Variants in PCDHGA11 observed in about 807,000 individuals in gnomAD.
PCDHGA11 encodes the protein protocadherin gamma subfamily A, 11, also known as protocadherin gamma-A11.
A neutral mutation model predicts 60.4 loss-of-function variants in PCDHGA11; 39 were observed. The observed-to-expected ratio is 0.65, with a 90% CI of 0.50 to 0.84. PCDHGA11 has a LOEUF of 0.84. Among genes scored for constraint, PCDHGA11 ranks in the 40% least tolerant of loss-of-function variants. PCDHGA11 has a pLI of 0.00. For synonymous variants in PCDHGA11, 533 were observed against 510.3 expected (o/e 1.04, Z -0.60); for missense variants, 1,165 against 1,197.7 (o/e 0.97, Z 0.40).
chr5:141,478,394 G>T (rs2099453142), intron 1 of PCDHGA11: 4 of 1,613,586 alleles, frequency 2.5e-6, no homozygotes, highest in Non-Finnish European at 3.4e-6. Flanking sequence ...TTACCATCAG[G>T]TGTATCTCAC....
chr5:141,428,426 C>T (rs1040765233), intron 1 of PCDHGA11: 1 of 435,172 alleles, frequency 2.3e-6, no homozygotes, highest in African/African-American at 2.0e-5. Context: ...GGTCTCTGTT[C>T]TAAGACTAGA....
intron 2 of PCDHGA11, 62 bp downstream of exon 2, chr5:141,494,927 G>C: frequency 6.2e-7 from 1 of 1,613,516 alleles, no homozygotes; most frequent in Non-Finnish European, 8.5e-7. Context: ...GATGACGTGG[G>C]AGGAGATGGG....
intron 2 of PCDHGA11, among the ~76,000 whole-genome samples, chr5:141,499,326 C>G (rs1465474737): frequency 6.6e-6 from 1 of 152,156 alleles, no homozygotes; most frequent in Non-Finnish European, 1.5e-5. Flanking sequence ...TATCCCTGCT[C>G]TCTCTCAGTT....
chr5:141,504,546 G>A (rs911626023), intron 2 of PCDHGA11, among the ~76,000 whole-genome samples: 5 of 151,802 alleles, frequency 3.3e-5, no homozygotes, highest in African/African-American at 1.2e-4. Flanking sequence ...CATGGCAAAT[G>A]TTGGGGGACT....
Position 141,486,429 on chromosome 5 carries a change from C to G in PCDHGA11, c.2434-8378C>G, listed in dbSNP as rs2099629385. On this transcript the variant is annotated intron_variant, in intron 1 of 3. Transcript: ENST00000398587. The surrounding 1 kb of genome is among the most constrained non-coding windows in gnomAD (Gnocchi z 5.0). ...GGACCCTTGGATCGAGAGGCCAAAT[C>G]TAGCTATGACATCATGGTCACTGCT... 1.1e-5 allele frequency: 17 copies of G among 1,614,192 alleles called. No homozygotes were observed. Among genetic ancestry groups the G allele is most frequent in the Non-Finnish European group, 1.4e-5 (17 of 1,180,008 alleles).
chr5:141,421,713 T>G lies in PCDHGA11; in HGVS notation c.486T>G (p.Asp162Glu). Residue 162 changes from aspartate to glutamate, a missense_variant, in exon 1 of 4, where the codon GAT becomes GAG. Transcript: ENST00000398587. ...RFALPNARDP[D>E]VGVNSLQSYQ... is the part of the protein sequence containing the mutation. ...CTCTTCCTAATGCTAGGGATCCAGA[T>G]GTGGGCGTGAACTCCCTCCAGAGCT... 1 of 1,613,932 alleles carries G rather than the reference T, an allele frequency of 6.2e-7. No individual in the cohort carries two copies. The highest frequency in any genetic ancestry group is 1.1e-5 in the South Asian group (1 of 91,072).
At chr5:141,442,472 C>A (rs1032989256) in intron 1 of PCDHGA11, 4 of 152,204 alleles carry the variant, frequency 2.6e-5, no homozygotes, top group African/African-American at 9.7e-5. Flanking sequence ...GCAGAAAGCC[C>A]CTTGGGGAAG....
chr5:141,439,441 T>C (rs2098112892), intron 1 of PCDHGA11, among the ~76,000 whole-genome samples: 2 of 152,348 alleles, frequency 1.3e-5, no homozygotes, highest in South Asian at 4.1e-4. Context: ...GAATATTTTA[T>C]TGCGGGAGCA....
intron 1 of PCDHGA11, among the ~76,000 whole-genome samples, chr5:141,453,360 C>T (rs966238012): frequency 6.6e-6 from 1 of 152,000 alleles, no homozygotes; most frequent in Non-Finnish European, 1.5e-5. Context: ...CCCTGAACTC[C>T]TGGGGTCAAG....
chr5:141,483,904 T>A (rs11750647), intron 1 of PCDHGA11, among the ~76,000 whole-genome samples: 24,531 of 151,676 alleles, frequency 0.16, 2,105 homozygotes, highest in African/African-American at 0.21. Context: ...CTCTGGTGTG[T>A]TTCCCACTCA....
At chr5:141,500,223 T>G (rs1034982746) in intron 2 of PCDHGA11, among the ~76,000 whole-genome samples, 16 of 145,318 alleles carry the variant, frequency 1.1e-4, no homozygotes, top group African/African-American at 3.4e-4. Context: ...TTTATTTATT[T>G]ATTGATACGT....
At chr5:141,480,948 G>C (rs1288557779) in intron 1 of PCDHGA11, among the ~76,000 whole-genome samples, 1 of 152,138 alleles carries the variant, frequency 6.6e-6, no homozygotes, top group Non-Finnish European at 1.5e-5. Context: ...TAGAGGCTGA[G>C]GCGGAAGCAT....
intron 1 of PCDHGA11, among the ~76,000 whole-genome samples, chr5:141,459,544 T>G (rs772982634): frequency 6.6e-6 from 1 of 152,246 alleles, no homozygotes; most frequent in Non-Finnish European, 1.5e-5. Flanking sequence ...TTTTTTTTAT[T>G]TCTCTTGGAT....
intron 1 of PCDHGA11, chr5:141,428,334 C>T: frequency 1.6e-6 from 1 of 618,848 alleles, no homozygotes; most frequent in Non-Finnish European, 2.9e-6. Flanking sequence ...TTTCTATGCT[C>T]TTCTTCCTCG....
At position 141,491,251 on chromosome 5, in the gene PCDHGA11, C is replaced by A; in HGVS notation, c.2434-3556C>A. On this transcript the variant is annotated intron_variant, in intron 1 of 3. Coordinates refer to ENST00000398587, the MANE Select transcript of PCDHGA11 (RefSeq NM_018914.3). This position sits in a 1 kb window ranked among gnomAD's most constrained non-coding sequence, Gnocchi z 6.9. ...GCTGCTGGTTCTGGAGGATGAGGAC[C>A]CTGAGGAAATGCCCAAATCCAGTGA... 6.2e-7 allele frequency: 1 copy of A among 1,614,144 alleles called. No homozygotes were observed. Among genetic ancestry groups the A allele is most frequent in the Non-Finnish European group, 8.5e-7 (1 of 1,180,016 alleles).
At position 141,485,100 on chromosome 5, in the gene PCDHGA11, C is replaced by G. The variant is rs900224386; in HGVS notation, c.2434-9707C>G. 1.0e-5 allele frequency: 12 copies of G among 1,148,882 alleles called. No homozygotes were observed. Among genetic ancestry groups the G allele is most frequent in the Non-Finnish European group, 1.4e-5 (11 of 778,894 alleles). 71.2% of individuals were successfully genotyped at this position (1,148,882 alleles called of 1,614,324 possible). On this transcript the variant is annotated intron_variant, in intron 1 of 3. Coordinates refer to ENST00000398587, the MANE Select transcript of PCDHGA11 (RefSeq NM_018914.3). This position sits in a 1 kb window ranked among gnomAD's most constrained non-coding sequence, Gnocchi z 5.7. ...GGGAAAGGGAGATAGGTGTCTCCAG[C>G]TGCTGTGGCTGTTTGGGGCGGGTCG...
chr5:141,505,443 C>A lies in PCDHGA11; in HGVS notation c.2543C>A (p.Thr848Lys). ...TGTWPNNQFD[T>K]EMLQAMILAS... ...ACCTGGCCCAACAACCAGTTTGACA[C>A]AGAGATGCTGCAAGCCATGATCTTG... Residue 848 changes from threonine to lysine, a missense_variant, in exon 3 of 4, where the codon ACA becomes AAA. Physicochemically the swap from Thr to Lys is moderately conservative, Grantham distance 78. Transcript: ENST00000398587. 2 of 1,614,224 alleles carry A rather than the reference C, an allele frequency of 1.2e-6. No homozygotes were observed. Among genetic ancestry groups the A allele is most frequent in the Non-Finnish European group, 8.5e-7 (1 of 1,180,042 alleles).
At chr5:141,494,215 G>T (rs984086536) in intron 1 of PCDHGA11, among the ~76,000 whole-genome samples, 2 of 152,200 alleles carry the variant, frequency 1.3e-5, no homozygotes, top group Non-Finnish European at 2.9e-5. Context: ...GCCCAATCTG[G>T]CATGACTCCT....
chr5:141,485,549 G>T lies in PCDHGA11; in HGVS notation c.2434-9258G>T. 1 of 1,614,030 alleles carries T rather than the reference G, an allele frequency of 6.2e-7. No homozygotes were observed. Among genetic ancestry groups the T allele is most frequent in the Non-Finnish European group, 8.5e-7 (1 of 1,179,922 alleles). On this transcript the variant is annotated intron_variant, in intron 1 of 3. Coordinates refer to ENST00000398587, the MANE Select transcript of PCDHGA11 (RefSeq NM_018914.3). The surrounding 1 kb of genome is among the most constrained non-coding windows in gnomAD (Gnocchi z 5.7). Reference sequence around the variant, plus strand: ...CCGAGCAGAGGTAGAGATCGTAGATGTGAATGATCACGCCCCCCGTTTTCC... The same window carrying T: ...CCGAGCAGAGGTAGAGATCGTAGATTTGAATGATCACGCCCCCCGTTTTCC...
Sources: gnomAD v4.1 joint callset for allele counts (sites outside exome capture counted in the v4.1 genomes callset) on GRCh38, gnomAD v4.1.1 for gene constraint, Gnocchi (gnomAD v3.1) non-coding constraint, MANE v1.5 for transcripts, NCBI Gene and HGNC (gene_info 2026-07-23, HGNC 2026-07-21) for gene names.